TRPM7: variants seen among roughly 807,000 people sequenced by gnomAD.
The protein encoded by TRPM7 is transient receptor potential cation channel subfamily M member 7, also known as LTRPC ion channel family member 7.
Under a neutral mutation model 229.7 loss-of-function variants are expected in TRPM7, and 134 were observed. That is an observed-to-expected ratio of 0.58 (90% CI 0.51 to 0.67). The LOEUF (loss-of-function observed/expected upper bound fraction) is 0.67, where lower values mean the gene tolerates loss of function less well. Ranked by LOEUF, TRPM7 falls within the 30% of genes least tolerant of loss-of-function variation. The probability of loss-of-function intolerance (pLI) is 0.00; values close to 1 mark genes in which losing one functional copy is unlikely to be tolerated. For synonymous variants in TRPM7, 699 were observed against 715.2 expected, an observed-to-expected ratio of 0.98 and a Z score of 0.36; for missense variants, 1,901 against 2,210.0, an observed-to-expected ratio of 0.86 and a Z score of 2.80.
intron 1 of TRPM7, among the ~76,000 whole-genome samples, chr15:50,673,060 G>GTATTTATTATTA (rs1491068041): frequency 0.024 from 3,696 of 152,006 alleles, 145 homozygotes; most frequent in African/African-American, 0.086. Context: ...CAGTAAGCTA[G>GTATTTATTATTA]CGTTAATTTA....
At chr15:50,682,304 G>A (rs538730066) in intron 1 of TRPM7, among the ~76,000 whole-genome samples, 3 of 151,442 alleles carry the variant, frequency 2.0e-5, no homozygotes, top group East Asian at 3.9e-4. Context: ...AAACCCCTAC[G>A]TGGACAGAAA....
intron 3 of TRPM7, among the ~76,000 whole-genome samples, chr15:50,656,299 T>C (rs2061569028): frequency 6.6e-6 from 1 of 151,952 alleles, no homozygotes; most frequent in South Asian, 2.1e-4. Flanking sequence ...TCAGGTCTTT[T>C]TGTTTGTTTT....
intron 13 of TRPM7, among the ~76,000 whole-genome samples, chr15:50,618,613 A>AAATAAATG (rs200801604): frequency 1.1e-5 from 1 of 93,218 alleles, no homozygotes; most frequent in East Asian, 2.4e-4. Flanking sequence ...ATAAATAAAT[A>AAATAAATG]AACGTATGTT....
chr15:50,605,954 AAAG>A (rs1234577176), intron 20 of TRPM7, among the ~76,000 whole-genome samples: 3 of 152,368 alleles, frequency 2.0e-5, no homozygotes, highest in Non-Finnish European at 2.9e-5. Flanking sequence ...AAGAAAAAAA[AAAG>A]AAATTCTTAT....
chr15:50,663,120 C>A, intron 1 of TRPM7, 74 bp from the exon 2 acceptor site: 1 of 1,136,296 alleles, frequency 8.8e-7, no homozygotes, highest in African/African-American at 1.6e-5. Flanking sequence ...TCATGATAAA[C>A]ACATAAACAG....
At chr15:50,610,972 T>C (rs2060049315) in intron 17 of TRPM7, 121 bp downstream of exon 17, 1 of 737,564 alleles carries the variant, frequency 1.4e-6, no homozygotes, top group Non-Finnish European at 2.2e-6. Flanking sequence ...TCCATCTTGC[T>C]CCCTCTTTAC....
intron 5 of TRPM7, among the ~76,000 whole-genome samples, chr15:50,639,751 T>G (rs991656666): frequency 6.6e-6 from 1 of 150,832 alleles, no homozygotes; most frequent in East Asian, 1.9e-4. Flanking sequence ...TTTTTTTTTT[T>G]CAGTAGAGAC....
chr15:50,562,794 T>A (rs2053381291), intron 38 of TRPM7, among the ~76,000 whole-genome samples: 1 of 150,666 alleles, frequency 6.6e-6, no homozygotes, highest in African/African-American at 2.4e-5. Context: ...AAAAAGTGCT[T>A]TGAAGAGAAG....
chr15:50,676,716 A>ATCCTAT (rs2062101219), intron 1 of TRPM7, among the ~76,000 whole-genome samples: 1 of 152,122 alleles, frequency 6.6e-6, no homozygotes, highest in South Asian at 2.1e-4. Context: ...AACAGTCCCC[A>ATCCTAT]TCCTATGCCT....
Position 50,592,217 on chromosome 15 carries a change from T to C in TRPM7, c.4018A>G (p.Arg1340Gly). ...GCCTCTGGAAAATTAAATTCTTTTC[T>C]CTGGGGTACTGCAGGTAAGTCTTGA... ...FGQDLPAVPQ[R>G]KEFNFPEAGS... Residue 1340 changes from arginine (R) to glycine (G), a missense_variant, in exon 26 of 39, where the codon AGA becomes GGA. Physicochemically the swap from Arg to Gly is moderately radical, Grantham distance 125. This residue lies in a region of TRPM7 where 533 missense variants were observed against 497.1 expected (regional missense o/e 1.07). Coordinates refer to ENST00000646667, the MANE Select transcript of TRPM7 (RefSeq NM_017672.6). The C allele has an allele frequency of 6.2e-7, 1 of 1,614,196 alleles. No homozygotes were observed. The highest frequency in any genetic ancestry group is 8.5e-7 in the Non-Finnish European group (1 of 1,180,034).
chr15:50,575,682 G>A (rs1345928621), intron 33 of TRPM7, 42 bp downstream of exon 33: 9 of 1,520,698 alleles, frequency 5.9e-6, no homozygotes, highest in African/African-American at 1.4e-5. Context: ...ATCATTAAAG[G>A]GTTAATTTTC....
At chr15:50,589,484 C>G (rs2140346622) in intron 27 of TRPM7, 108 bp downstream of exon 27, 1 of 752,690 alleles carries the variant, frequency 1.3e-6, no homozygotes, top group Non-Finnish European at 2.2e-6. Flanking sequence ...TTAATGATAT[C>G]TGCTAAAACT....
At chr15:50,661,245 G>A (rs1053201093) in intron 2 of TRPM7, among the ~76,000 whole-genome samples, 1 of 152,044 alleles carries the variant, frequency 6.6e-6, no homozygotes, top group African/African-American at 2.4e-5. Flanking sequence ...AAAGTGCTGG[G>A]ATTACAGGTG....
chr15:50,674,785 G>A (rs1322242636), intron 1 of TRPM7, among the ~76,000 whole-genome samples: 1 of 152,104 alleles, frequency 6.6e-6, no homozygotes, highest in Non-Finnish European at 1.5e-5. Context: ...GGAGAGCTGT[G>A]CCAGGTACAG....
At chr15:50,634,085 G>C (rs999664233) in intron 8 of TRPM7, among the ~76,000 whole-genome samples, 2 of 152,114 alleles carry the variant, frequency 1.3e-5, no homozygotes, top group African/African-American at 2.4e-5. Context: ...TTGGGAGGCT[G>C]AGGCAGGTGG....
At chr15:50,591,772 A>C in intron 26 of TRPM7, 139 bp downstream of exon 26, 1 of 637,024 alleles carries the variant, frequency 1.6e-6, no homozygotes, top group Non-Finnish European at 2.4e-6. Flanking sequence ...TACCAGAATC[A>C]CAGGTGTCTG....
chr15:50,684,924 T>C (rs1457579025), intron 1 of TRPM7, among the ~76,000 whole-genome samples: 1 of 152,244 alleles, frequency 6.6e-6, no homozygotes, highest in Non-Finnish European at 1.5e-5. Flanking sequence ...TGCTGAATAT[T>C]TAATGATACT....
At chr15:50,583,199 G>C (rs971070163) in intron 28 of TRPM7, 40 bp from the exon 29 acceptor site, 2 of 1,427,218 alleles carry the variant, frequency 1.4e-6, no homozygotes, top group African/African-American at 2.9e-5. Flanking sequence ...CTACACAACT[G>C]AAGTTTTATG....
chr15:50,639,669 C>G, intron 5 of TRPM7, 121 bp from the exon 6 acceptor site: 4 of 784,168 alleles, frequency 5.1e-6, no homozygotes, highest in Non-Finnish European at 7.5e-6. Flanking sequence ...TGGACTCAAG[C>G]GATCCTCCCT....
Sources: allele counts gnomAD v4.1 joint callset (sites outside exome capture counted in the v4.1 genomes callset), GRCh38; gene constraint gnomAD v4.1.1; regional missense constraint gnomAD v4.1.1; transcripts MANE v1.5; gene names NCBI Gene and HGNC (gene_info 2026-07-23, HGNC 2026-07-21).